FCHO2: variants seen among roughly 807,000 people sequenced by gnomAD.
FCHO2 encodes F-BAR domain only protein 2.
In FCHO2, 43 loss-of-function variants were observed where a neutral mutation model predicts 114.1. The ratio of observed to expected loss-of-function variants is 0.38; its 90% CI spans 0.30 to 0.49. The LOEUF is 0.49. Ranked by LOEUF, FCHO2 falls within the 20% of genes least tolerant of loss-of-function variation. FCHO2 has a pLI of 0.97. For missense variants in FCHO2, 807 were observed against 950.4 expected, an observed-to-expected ratio of 0.85 and a Z score of 1.98; for synonymous variants, 293 against 315.2, an observed-to-expected ratio of 0.93 and a Z score of 0.75.
intron 2 of FCHO2, among the ~76,000 whole-genome samples, chr5:72,978,531 A>G (rs1016139871): frequency 6.6e-6 from 1 of 152,188 alleles, no homozygotes; most frequent in African/African-American, 2.4e-5. Context: ...GGTTTTCTAA[A>G]TATACAATCA....
chr5:73,056,029 GATT>G (rs1488061106), intron 15 of FCHO2, 33 bp from the exon 16 acceptor site: 22 of 1,313,794 alleles, frequency 1.7e-5, no homozygotes, highest in Admixed American at 2.5e-5. Flanking sequence ...TTATTTCTCA[GATT>G]ATGAAGTTTT....
intron 8 of FCHO2, among the ~76,000 whole-genome samples, chr5:73,030,637 A>G (rs1372549327): frequency 6.6e-6 from 1 of 152,192 alleles, no homozygotes; most frequent in Non-Finnish European, 1.5e-5. Flanking sequence ...TCAAAATGTG[A>G]TTCCAGGACC....
intron 2 of FCHO2, among the ~76,000 whole-genome samples, chr5:72,981,902 A>C (rs964988406): frequency 6.6e-5 from 10 of 152,072 alleles, no homozygotes; most frequent in Non-Finnish European, 1.2e-4. Flanking sequence ...ATGCTCCTTT[A>C]GCTTAGGGGA....
At chr5:72,973,328 G>A (rs1357958283) in intron 2 of FCHO2, among the ~76,000 whole-genome samples, 1 of 152,134 alleles carries the variant, frequency 6.6e-6, no homozygotes, top group African/African-American at 2.4e-5. Context: ...AATCCATCTG[G>A]TCCTGTACTC....
chr5:72,988,838 A>G (rs989360236), intron 2 of FCHO2, among the ~76,000 whole-genome samples: 1 of 152,268 alleles, frequency 6.6e-6, no homozygotes, highest in Non-Finnish European at 1.5e-5. Flanking sequence ...CAGAGAGAAT[A>G]CAAGAAGTAG....
intron 8 of FCHO2, chr5:73,020,844 G>C: frequency 1.1e-6 from 1 of 939,026 alleles, no homozygotes; most frequent in Non-Finnish European, 1.8e-6. Context: ...GCTCATCTGA[G>C]ATATTTACTC....
chr5:73,031,970 T>TA, intron 8 of FCHO2, among the ~76,000 whole-genome samples: 1 of 152,350 alleles, frequency 6.6e-6, no homozygotes, highest in East Asian at 1.9e-4. Flanking sequence ...CTGGCTTTAG[T>TA]ACTGTCAAAA....
At chr5:73,040,857 CT>C (rs980843926) in intron 10 of FCHO2, among the ~76,000 whole-genome samples, 3 of 151,860 alleles carry the variant, frequency 2.0e-5, no homozygotes, top group African/African-American at 7.3e-5. Flanking sequence ...TTAATACTGA[CT>C]TTTTTTTAAA....
At chr5:73,037,345 A>G in intron 10 of FCHO2, 130 bp downstream of exon 10, 1 of 403,656 alleles carries the variant, frequency 2.5e-6, no homozygotes, top group Non-Finnish European at 4.1e-6. Context: ...GTGAAAAACA[A>G]GCCTTTCTAA....
chr5:72,961,504 T>C (rs775679499), intron 1 of FCHO2, among the ~76,000 whole-genome samples: 3 of 152,190 alleles, frequency 2.0e-5, no homozygotes, highest in Non-Finnish European at 4.4e-5. Context: ...AAATTTTACA[T>C]GGTTTAATAT....
Position 73,088,122 on chromosome 5 carries a change from TTA to T in FCHO2, c.*33_*34del. On this transcript the variant is annotated 3_prime_UTR_variant, in exon 26 of 26. Coordinates refer to ENST00000430046, the MANE Select transcript of FCHO2 (RefSeq NM_138782.3). ...TGGGAAAGTGATGTGGCTTCAGGGA[TTA>T]CAAACCTGCCATTCTGCATTATCTG... is the stretch of plus-strand genomic sequence containing the variant. 6.2e-7 allele frequency: 1 copy of T among 1,611,938 alleles called. No homozygotes were observed. The highest frequency in any genetic ancestry group is 1.1e-5 in the South Asian group (1 of 90,566).
At chr5:73,006,332 A>G in intron 5 of FCHO2, 113 bp from the exon 6 acceptor site, 1 of 566,514 alleles carries the variant, frequency 1.8e-6, no homozygotes, top group Non-Finnish European at 2.8e-6. Flanking sequence ...AGTTAGTTAT[A>G]TGTCATATTG....
intron 8 of FCHO2, among the ~76,000 whole-genome samples, chr5:73,027,260 C>T (rs544533143): frequency 4.6e-5 from 7 of 151,760 alleles, no homozygotes; most frequent in Non-Finnish European, 7.4e-5. Context: ...TTCTATTTTA[C>T]AGTCATTTTG....
At chr5:72,993,723 G>C (rs1442949812) in intron 5 of FCHO2, among the ~76,000 whole-genome samples, 1 of 152,182 alleles carries the variant, frequency 6.6e-6, no homozygotes, top group African/African-American at 2.4e-5. Context: ...TCAGTTAACA[G>C]ACCTTTTAAG....
intron 19 of FCHO2, among the ~76,000 whole-genome samples, chr5:73,072,803 G>A (rs1742724029): frequency 6.6e-6 from 1 of 151,966 alleles, no homozygotes; most frequent in South Asian, 2.1e-4. Flanking sequence ...TATGGAGATG[G>A]ATGATAGTGA....
intron 10 of FCHO2, among the ~76,000 whole-genome samples, chr5:73,038,443 G>A (rs1756640637): frequency 1.3e-5 from 2 of 152,154 alleles, no homozygotes; most frequent in African/African-American, 4.8e-5. Context: ...CCGATCAAAA[G>A]TCTTGAGTCA....
chr5:72,994,731 C>T (rs1421718777), intron 5 of FCHO2, among the ~76,000 whole-genome samples: 3 of 152,094 alleles, frequency 2.0e-5, no homozygotes, highest in Non-Finnish European at 2.9e-5. Context: ...CCATCAGTGA[C>T]ATTTGATAAA....
chr5:73,021,723 T>G (rs528702121), intron 8 of FCHO2, among the ~76,000 whole-genome samples: 30 of 152,188 alleles, frequency 2.0e-4, no homozygotes, highest in Non-Finnish European at 4.1e-4. Context: ...CTGTATTTGA[T>G]TCATCTATTT....
intron 3 of FCHO2, 134 bp from the exon 4 acceptor site, chr5:72,990,340 TATTC>T (rs1753753500): frequency 1.6e-6 from 1 of 644,022 alleles, no homozygotes; most frequent in East Asian, 3.3e-5. Context: ...TCAATCATTT[TATTC>T]ATTATTTTAA....
Sources: gnomAD v4.1 joint callset for allele counts (sites outside exome capture counted in the v4.1 genomes callset) on GRCh38, gnomAD v4.1.1 for gene constraint, MANE v1.5 for transcripts, NCBI Gene and HGNC (gene_info 2026-07-23, HGNC 2026-07-21) for gene names.